SAMD8: variants seen among roughly 807,000 people sequenced by gnomAD.
SAMD8 encodes sterile alpha motif domain containing 8.
A neutral mutation model predicts 42.0 loss-of-function variants in SAMD8; 20 were observed. The observed-to-expected ratio is 0.48, with a 90% CI of 0.34 to 0.69. SAMD8 has a LOEUF of 0.69. Ranked by LOEUF, SAMD8 falls within the 30% of genes least tolerant of loss-of-function variation. The pLI, the probability that SAMD8 is intolerant of heterozygous loss-of-function variation, is 0.01. For synonymous variants in SAMD8, 162 were observed against 173.0 expected, an observed-to-expected ratio of 0.94 and a Z score of 0.50; for missense variants, 328 against 511.6, an observed-to-expected ratio of 0.64 and a Z score of 3.46.
At chr10:75,155,188 C>T (rs936496251) in intron 2 of SAMD8, among the ~76,000 whole-genome samples, 3 of 152,154 alleles carry the variant, frequency 2.0e-5, no homozygotes, top group African/African-American at 7.2e-5. Context: ...TACCACCCCC[C>T]AGCCTATTCC....
rs1840997039 is a variant in SAMD8 at position 75,176,716 on chromosome 10, T to C, written c.*24T>C. ...GAATACTATCTTTCTAATGAATTTG[T>C]GATTAAATATATAATAGTTGTTGAA... On this transcript the variant is annotated 3_prime_UTR_variant, in exon 6 of 6. Coordinates refer to ENST00000542569, the MANE Select transcript of SAMD8 (RefSeq NM_001174156.2). This position sits in a 1 kb window ranked among gnomAD's most constrained non-coding sequence, Gnocchi z 4.3. 6.9e-7 allele frequency: 1 copy of C among 1,457,432 alleles called. No individual in the cohort carries two copies. Among genetic ancestry groups the C allele is most frequent in the East Asian group, 2.5e-5 (1 of 40,404 alleles). 90.3% of individuals were successfully genotyped at this position (1,457,432 alleles called of 1,614,324 possible). A position where few individuals can be genotyped will look rare whatever the true frequency, so the allele number is the denominator to read the frequency against.
chr10:75,163,839 G>T (rs564767545), intron 2 of SAMD8, among the ~76,000 whole-genome samples: 1 of 151,978 alleles, frequency 6.6e-6, no homozygotes, highest in Non-Finnish European at 1.5e-5. Flanking sequence ...CTGTTTGGTG[G>T]GGAGGAAAAA....
rs778425265 is a variant in SAMD8, at chr10:75,150,788, G to A, written c.260G>A (p.Gly87Asp). 2 of 1,614,150 alleles carry A rather than the reference G, an allele frequency of 1.2e-6. No homozygotes were observed. The highest frequency in any genetic ancestry group is 1.7e-6 in the Non-Finnish European group (2 of 1,180,022). The change falls in exon 2 of 6, where the codon GGC becomes GAC. Residue 87 changes from glycine to aspartate, a missense_variant. By Grantham distance (94) the Gly-to-Asp change is moderately conservative. Around this residue, in one of 2 missense-constraint regions of SAMD8, gnomAD observed 150 missense variants for 186.0 expected, o/e 0.81. Transcript: ENST00000542569. Reference sequence around the variant, plus strand: ...CATATTGATGTTTTAGAAGAGATGGGCTACAACAGTGACAGTCCCATGGGT... The same window carrying A: ...CATATTGATGTTTTAGAAGAGATGGACTACAACAGTGACAGTCCCATGGGT... ...KIHIDVLEEM[G>D]YNSDSPMGSM...
At chr10:75,133,885 G>A (rs1849327792) in intron 1 of SAMD8, among the ~76,000 whole-genome samples, 1 of 152,190 alleles carries the variant, frequency 6.6e-6, no homozygotes, top group South Asian at 2.1e-4. Context: ...CCATGTCCCT[G>A]CAAAGAACGT....
In SAMD8 at chr10:75,164,724, C is replaced by T; in HGVS notation, c.658C>T (p.Leu220Phe). Residue 220 changes from leucine to phenylalanine, a missense_variant, in exon 3 of 6, where the codon CTT (leucine) becomes TTT (phenylalanine). By Grantham distance (22) the Leu-to-Phe change is conservative (BLOSUM62 0). Transcript: ENST00000542569. The part of the protein sequence containing the change: ...ILCYIWLLVL[L>F]LHKHRSILLR... ...GTGCTATATTTGGCTCCTGGTTCTTCTTCTTCACAAGCACAGGTACCTCAT... is the reference window on the plus strand; with the variant it reads ...GTGCTATATTTGGCTCCTGGTTCTTTTTCTTCACAAGCACAGGTACCTCAT... 1 of 1,613,114 alleles carries T rather than the reference C, an allele frequency of 6.2e-7. No homozygotes were observed. Among genetic ancestry groups the T allele is most frequent in the East Asian group, 2.2e-5 (1 of 44,872 alleles).
intron 1 of SAMD8, among the ~76,000 whole-genome samples, chr10:75,123,725 C>T (rs562948774): frequency 6.6e-6 from 1 of 151,852 alleles, no homozygotes; most frequent in Admixed American, 6.6e-5. Flanking sequence ...TGGAGTCTCA[C>T]TGTCTCCCAG....
chr10:75,159,063 CTT>C (rs530043259), intron 2 of SAMD8, among the ~76,000 whole-genome samples: 6 of 133,436 alleles, frequency 4.5e-5, no homozygotes, highest in Non-Finnish European at 6.3e-5. Context: ...TTTTCTTTTT[CTT>C]TTTTTTTTTT....
intron 1 of SAMD8, among the ~76,000 whole-genome samples, chr10:75,102,230 A>T (rs1848210370): frequency 6.6e-6 from 1 of 152,114 alleles, no homozygotes; most frequent in South Asian, 2.1e-4. Context: ...TAATCCCAGC[A>T]CTTTGGGAAA....
chr10:75,100,890 A>C (rs2134358599), intron 1 of SAMD8, among the ~76,000 whole-genome samples: 1 of 152,354 alleles, frequency 6.6e-6, no homozygotes, highest in South Asian at 2.1e-4. Context: ...CTGTGTGCCC[A>C]AGACATCGGG....
chr10:75,167,361 G>A (rs1840710918), intron 3 of SAMD8, among the ~76,000 whole-genome samples: 1 of 152,006 alleles, frequency 6.6e-6, no homozygotes, highest in South Asian at 2.1e-4. Context: ...GGCTCAATCA[G>A]TCCTCTCCCC....
intron 1 of SAMD8, among the ~76,000 whole-genome samples, chr10:75,150,059 C>CGT (rs35794343): frequency 2.0e-5 from 3 of 148,320 alleles, no homozygotes; most frequent in African/African-American, 4.9e-5. Flanking sequence ...CATATGTGTG[C>CGT]GTGTGTGTGT....
At chr10:75,131,999 T>C (rs1427254026) in intron 1 of SAMD8, among the ~76,000 whole-genome samples, 2 of 152,230 alleles carry the variant, frequency 1.3e-5, no homozygotes, top group African/African-American at 4.8e-5. Flanking sequence ...CTGTAAAATT[T>C]CAGACTATTC....
At chr10:75,127,308 CTCAGT>C (rs1422737036) in intron 1 of SAMD8, among the ~76,000 whole-genome samples, 1 of 152,040 alleles carries the variant, frequency 6.6e-6, no homozygotes, top group East Asian at 1.9e-4. Context: ...TACAAGAGCC[CTCAGT>C]TCATGTGAGG....
chr10:75,116,671 G>A (rs1483437446), intron 1 of SAMD8, among the ~76,000 whole-genome samples: 1 of 152,118 alleles, frequency 6.6e-6, no homozygotes, highest in Non-Finnish European at 1.5e-5. Flanking sequence ...TATAATATTA[G>A]CATGAAAGCC....
chr10:75,139,104 G>A (rs1470891907), intron 1 of SAMD8, among the ~76,000 whole-genome samples: 2 of 151,700 alleles, frequency 1.3e-5, no homozygotes, highest in South Asian at 2.1e-4. Flanking sequence ...GGAATTACAG[G>A]CATGCACCAC....
rs1841055611 is a variant in SAMD8, at chr10:75,180,153, G to T, written c.*3461G>T. Reference sequence around the variant, plus strand: ...AATTTGGGGGAAACCTTTCGTGGCTGTGCTGCAAGAATTCTTTATGTGGCT... The same window carrying T: ...AATTTGGGGGAAACCTTTCGTGGCTTTGCTGCAAGAATTCTTTATGTGGCT... On this transcript the variant is annotated 3_prime_UTR_variant, in exon 6 of 6. Coordinates refer to ENST00000542569, the MANE Select transcript of SAMD8 (RefSeq NM_001174156.2). 2 of 152,124 alleles carry T rather than the reference G, an allele frequency of 1.3e-5. No homozygotes were observed. The highest frequency in any genetic ancestry group is 4.1e-4 in the South Asian group (2 of 4,832). 9.4% of individuals were successfully genotyped at this position (152,124 alleles called of 1,614,324 possible). A position where few individuals can be genotyped will look rare whatever the true frequency, so the allele number is the denominator to read the frequency against.
At chr10:75,107,979 C>T (rs1488917557), upstream of SAMD8, 1 of 1,605,006 alleles carries the variant, frequency 6.2e-7, no homozygotes, top group Admixed American at 1.7e-5. Context: ...TGGGCTTGGA[C>T]CCCAAGTCCT....
intron 1 of SAMD8, among the ~76,000 whole-genome samples, chr10:75,135,440 C>T (rs529467455): frequency 1.5e-4 from 19 of 130,178 alleles, no homozygotes; most frequent in South Asian, 9.8e-4. Flanking sequence ...GCAACAAGAG[C>T]GAAATTCCAT....
intron 1 of SAMD8, among the ~76,000 whole-genome samples, chr10:75,124,719 T>C (rs767246807): frequency 6.6e-5 from 10 of 152,068 alleles, no homozygotes; most frequent in Non-Finnish European, 1.5e-4. Context: ...AGAAGCTGTT[T>C]CCTTCATTCT....
Sources: gnomAD v4.1 joint callset for allele counts (sites outside exome capture counted in the v4.1 genomes callset) on GRCh38, gnomAD v4.1.1 for gene constraint, gnomAD v4.1.1 regional missense constraint, Gnocchi (gnomAD v3.1) non-coding constraint, MANE v1.5 for transcripts, NCBI Gene and HGNC (gene_info 2026-07-23, HGNC 2026-07-21) for gene names.